The following CSMD1 variants were observed in gnomAD, a reference collection of about 807,000 sequenced individuals.
CSMD1 encodes CUB and Sushi multiple domains 1.
In CSMD1, 213 loss-of-function variants were observed where a neutral mutation model predicts 417.5. The ratio of observed to expected loss-of-function variants is 0.51; its 90% CI spans 0.46 to 0.57. The LOEUF (loss-of-function observed/expected upper bound fraction) is 0.57. Ranked by LOEUF, CSMD1 falls within the 20% of genes least tolerant of loss-of-function variation. The pLI is 0.00. For synonymous variants in CSMD1, 2,862 were observed against 1,736.8 expected (o/e 1.65, Z -16.11); for missense variants, 6,923 against 4,529.7 (o/e 1.53, Z -15.17).
At chr8:3,726,267 G>A (rs996161827) in intron 6 of CSMD1, among the ~76,000 whole-genome samples, 1 of 152,188 alleles carries the variant, frequency 6.6e-6, no homozygotes, top group African/African-American at 2.4e-5. Flanking sequence ...AGCCCAGCTA[G>A]GCTGCACATC....
intron 3 of CSMD1, among the ~76,000 whole-genome samples, chr8:4,240,716 T>C (rs1348218305): frequency 6.6e-6 from 1 of 152,198 alleles, no homozygotes; most frequent in Non-Finnish European, 1.5e-5. Flanking sequence ...AAAAATGCAG[T>C]TGATGCCAAT....
In CSMD1 at chr8:3,433,544, C is replaced by T. The variant is rs376335434; in HGVS notation, c.1562-23939G>A. Among the ~76,000 whole-genome samples, 9 of 152,172 alleles carry T rather than the reference C, an allele frequency of 5.9e-5. No homozygotes were observed. The East Asian group carries it at 7.7e-4, about 13-fold the overall frequency. On this transcript the variant is annotated intron_variant, in intron 12 of 69. Transcript: ENST00000635120. ...TATTATGTAATGACCATGGTTCTTT[C>T]GGACAGTCTAAATTATTTTCTCATT...
intron 25 of CSMD1, among the ~76,000 whole-genome samples, chr8:3,305,602 C>T (rs964637875): frequency 4.0e-5 from 6 of 151,706 alleles, no homozygotes; most frequent in Non-Finnish European, 8.9e-5. Flanking sequence ...CATGTGGACT[C>T]ATCATCTGCC....
Position 4,805,360 on chromosome 8 carries a change from C to T in CSMD1, c.86-167802G>A, listed in dbSNP as rs1036554838. 4.6e-5 allele frequency among the ~76,000 whole-genome samples: 7 copies of T among 152,288 alleles called. No individual in the cohort carries two copies. In the East Asian group the frequency reaches 1.2e-3, roughly 25 times the overall value. On this transcript the variant is annotated intron_variant, in intron 1 of 69. Transcript: ENST00000635120. ...AAAATTGTGAAGCACTCTGCCAATT[C>T]GTGGTCTTATTCTCATGGTGATCTA...
intron 54 of CSMD1, 49 bp from the exon 55 acceptor site, chr8:2,978,849 C>T (rs759766680): frequency 1.6e-5 from 24 of 1,466,598 alleles, no homozygotes; most frequent in Non-Finnish European, 2.1e-5. Context: ...CTAGAAATAA[C>T]AACAAAATAG....
chr8:3,083,164 C>G (rs928053424), intron 49 of CSMD1, among the ~76,000 whole-genome samples: 1 of 151,948 alleles, frequency 6.6e-6, no homozygotes, highest in East Asian at 1.9e-4. Context: ...GGTGACGATT[C>G]TTCCTTATAT....
chr8:4,182,483 A>C (rs1472581111), intron 3 of CSMD1, among the ~76,000 whole-genome samples: 3 of 152,314 alleles, frequency 2.0e-5, no homozygotes, highest in South Asian at 4.1e-4. Flanking sequence ...TAATCAAATA[A>C]GATACGTCAC....
At chr8:4,159,991 A>G (rs1192522408) in intron 3 of CSMD1, among the ~76,000 whole-genome samples, 1 of 152,118 alleles carries the variant, frequency 6.6e-6, no homozygotes, top group African/African-American at 2.4e-5. Flanking sequence ...GGTTCAATGT[A>G]TAATGCTCTG....
At chr8:4,091,255 T>C (rs1370902053) in intron 3 of CSMD1, among the ~76,000 whole-genome samples, 1 of 151,944 alleles carries the variant, frequency 6.6e-6, no homozygotes, top group Non-Finnish European at 1.5e-5. Context: ...AGGATGCAAA[T>C]TAGAAAAAAA....
intron 1 of CSMD1, among the ~76,000 whole-genome samples, chr8:4,959,701 C>A (rs1310007129): frequency 6.6e-6 from 1 of 152,210 alleles, no homozygotes; most frequent in Non-Finnish European, 1.5e-5. Flanking sequence ...TCCAATAGTT[C>A]TCTCAGTTCA....
intron 5 of CSMD1, among the ~76,000 whole-genome samples, chr8:3,948,890 G>C (rs1011169028): frequency 2.6e-5 from 4 of 151,796 alleles, no homozygotes; most frequent in African/African-American, 9.7e-5. Context: ...CAAAAAAGGA[G>C]ATTTTTTTTT....
rs555697216 is a variant in CSMD1, at chr8:4,297,466, G to A, written c.415+122487C>T. On this transcript the variant is annotated intron_variant, in intron 3 of 69. Transcript: ENST00000635120. ...GACATCAGTTGCTGGGCGTCCGCAA[G>A]CTAATACTTTATTCAGTTAACCAAA... Among the ~76,000 whole-genome samples the A allele has an allele frequency of 2.6e-5, 4 of 152,268 alleles. No homozygotes were observed. The South Asian group carries it at 6.2e-4, about 24-fold the overall frequency.
chr8:4,169,341 A>T (rs961124634), intron 3 of CSMD1, among the ~76,000 whole-genome samples: 2 of 152,154 alleles, frequency 1.3e-5, no homozygotes, highest in African/African-American at 4.8e-5. Flanking sequence ...GCCTTCTTCC[A>T]TCTAGATAAA....
At chr8:4,847,276 C>A (rs1381664740) in intron 1 of CSMD1, among the ~76,000 whole-genome samples, 1 of 152,120 alleles carries the variant, frequency 6.6e-6, no homozygotes, top group East Asian at 1.9e-4. Context: ...TTTAGAATCT[C>A]AAAGAAGATT....
At chr8:4,510,206 G>A (rs1339981630) in intron 2 of CSMD1, among the ~76,000 whole-genome samples, 2 of 151,784 alleles carry the variant, frequency 1.3e-5, no homozygotes, top group African/African-American at 2.4e-5. Flanking sequence ...ATGATAGTGA[G>A]GTCTCTCCAG....
intron 7 of CSMD1, among the ~76,000 whole-genome samples, chr8:3,707,084 CAT>C (rs2129039295): frequency 1.3e-5 from 2 of 152,132 alleles, no homozygotes; most frequent in South Asian, 4.2e-4. Flanking sequence ...GCCCAGGGGA[CAT>C]GTTTACCTCT....
chr8:2,962,702 G>A (rs1803604685), intron 60 of CSMD1, 63 bp from the exon 61 acceptor site: 3 of 1,496,570 alleles, frequency 2.0e-6, no homozygotes, highest in Admixed American at 2.0e-5. Flanking sequence ...CACCAATTGA[G>A]CTTGGTAACT....
chr8:3,262,890 G>T (rs569826089), intron 26 of CSMD1, among the ~76,000 whole-genome samples: 19 of 152,126 alleles, frequency 1.2e-4, no homozygotes, highest in Admixed American at 1.2e-3. Flanking sequence ...TGTACAAGAG[G>T]GAATGTGAAC....
intron 23 of CSMD1, among the ~76,000 whole-genome samples, chr8:3,330,641 T>C (rs528198890): frequency 6.6e-6 from 1 of 152,236 alleles, no homozygotes; most frequent in South Asian, 2.1e-4. Flanking sequence ...ACATAACTAA[T>C]GGGTACTAGG....
Sources: gnomAD v4.1 joint callset for allele counts (sites outside exome capture counted in the v4.1 genomes callset) on GRCh38, gnomAD v4.1.1 for gene constraint, MANE v1.5 for transcripts, NCBI Gene and HGNC (gene_info 2026-07-23, HGNC 2026-07-21) for gene names.